Variants in NKTR observed in about 807,000 individuals in gnomAD.
NKTR encodes the protein NK-tumor recognition protein.
NKTR carries 67 observed loss-of-function variants against 156.3 expected under a neutral mutation model. The observed-to-expected ratio is 0.43, with a 90% CI of 0.35 to 0.53. The LOEUF (loss-of-function observed/expected upper bound fraction) is 0.53, where lower values mean the gene tolerates loss of function less well. Ranked by LOEUF, NKTR falls within the 20% of genes least tolerant of loss-of-function variation. NKTR has a pLI of 0.01. For missense variants in NKTR, 1,604 were observed against 1,730.9 expected (o/e 0.93, Z 1.30); for synonymous variants, 640 against 596.6 (o/e 1.07, Z -1.06).
Position 42,647,267 on chromosome 3 carries a change from A to AGTT in NKTR, c.*1294_*1295insTGT, listed in dbSNP as rs1553675106. On this transcript the variant is annotated 3_prime_UTR_variant, in exon 17 of 17. Coordinates refer to ENST00000232978, the MANE Select transcript of NKTR (RefSeq NM_005385.4). ...AAAAATAATTGGACCTGTAAAAACT[A>AGTT]GTGTGTGTGTGTGTGTGTGTGTGTG... 2 of 102,974 alleles carry AGTT rather than the reference A, an allele frequency of 1.9e-5. No homozygotes were observed. The highest frequency in any genetic ancestry group is 8.4e-5 in the African/African-American group (2 of 23,684). 6.4% of individuals were successfully genotyped at this position (102,974 alleles called of 1,614,324 possible).
chr3:42,639,858 G>C (rs780112007), intron 13 of NKTR, 108 bp downstream of exon 13: 13 of 831,764 alleles, frequency 1.6e-5, no homozygotes, highest in Non-Finnish European at 2.3e-5. Flanking sequence ...ATATCTGAAA[G>C]GAATAAGAAG....
chr3:42,643,972 C>T lies in NKTR; in HGVS notation c.4270C>T (p.His1424Tyr). Residue 1424 changes from histidine to tyrosine, a missense_variant, in exon 16 of 17, where the codon CAC becomes TAC. Physicochemically the swap from His to Tyr is moderately conservative, Grantham distance 83. Around this residue, in one of 6 missense-constraint regions of NKTR, gnomAD observed 193 missense variants for 220.2 expected, o/e 0.88. Coordinates refer to ENST00000232978, the MANE Select transcript of NKTR (RefSeq NM_005385.4). ...RSRSQRSDSY[H>Y]RGRSYNRRSR... The stretch of plus-strand genomic sequence containing the variant: ...TAGAAGCCAGAGAAGTGACAGTTAC[C>T]ACCGAGGCAGAAGTTATAATCGGCG... 6.2e-7 allele frequency: 1 copy of T among 1,613,964 alleles called. No individual in the cohort carries two copies.
At position 42,647,653 on chromosome 3, in the gene NKTR, C is replaced by A. The variant is rs1229918000; in HGVS notation, c.*1678C>A. ...AACAAACAATACTGGATACTGAATACAAAACAGTATGATTTATATTAAAGG... is the reference window on the plus strand; with the variant it reads ...AACAAACAATACTGGATACTGAATAAAAAACAGTATGATTTATATTAAAGG... On this transcript the variant is annotated 3_prime_UTR_variant, in exon 17 of 17. Coordinates refer to ENST00000232978, the MANE Select transcript of NKTR (RefSeq NM_005385.4). 3 of 152,050 alleles carry A rather than the reference C, an allele frequency of 2.0e-5. No homozygotes were observed. The highest frequency in any genetic ancestry group is 2.9e-5 in the Non-Finnish European group (2 of 68,018). 9.4% of individuals were successfully genotyped at this position (152,050 alleles called of 1,614,324 possible).
chr3:42,623,712 G>C (rs1373489798), intron 6 of NKTR: 1 of 152,070 alleles, frequency 6.6e-6, no homozygotes, highest in East Asian at 1.9e-4. Context: ...TAATAGCTCT[G>C]ATGGTCACAG....
chr3:42,637,041 A>C lies in NKTR; in HGVS notation c.1337A>C (p.Lys446Thr), dbSNP rs1298236888. ...VKHKKKGKKQ[K>T]HCRRHKQTKK... The stretch of plus-strand genomic sequence containing the variant: ...CATAAAAAGAAAGGGAAAAAGCAGA[A>C]ACACTGCAGAAGACACAAACAAACA... The change falls in exon 13 of 17, where the codon AAA (lysine) becomes ACA (threonine). Residue 446 changes from lysine to threonine, a missense_variant. Around this residue, in one of 6 missense-constraint regions of NKTR, gnomAD observed 1,255 missense variants for 1,243.7 expected, o/e 1.01. Transcript: ENST00000232978. 2 of 1,609,998 alleles carry C rather than the reference A, an allele frequency of 1.2e-6. No individual in the cohort carries two copies. Among genetic ancestry groups the C allele is most frequent in the Admixed American group, 3.4e-5 (2 of 58,820 alleles).
At chr3:42,627,242 C>T (rs1708472070) in intron 6 of NKTR, 1 of 985,214 alleles carries the variant, frequency 1.0e-6, no homozygotes, top group South Asian at 4.7e-5. Context: ...TGTCTCATTA[C>T]TCTAAGGCTC....
At chr3:42,632,879 A>G in intron 9 of NKTR, 56 bp downstream of exon 9, 2 of 1,430,662 alleles carry the variant, frequency 1.4e-6, no homozygotes, top group Non-Finnish European at 1.8e-6. Context: ...TGGAATGGGA[A>G]AAGTATGTAT....
intron 6 of NKTR, 64 bp downstream of exon 6, chr3:42,621,580 T>G: frequency 6.5e-7 from 1 of 1,542,330 alleles, no homozygotes; most frequent in Admixed American, 2.2e-5. Context: ...ATAAGAAAGA[T>G]GGTATAGTTA....
chr3:42,645,486 A>G (rs1428033704), intron 16 of NKTR, among the ~76,000 whole-genome samples: 2 of 152,112 alleles, frequency 1.3e-5, no homozygotes, highest in Non-Finnish European at 2.9e-5. Context: ...GGAGTTGAAG[A>G]CCAGCCTGGC....
intron 16 of NKTR, among the ~76,000 whole-genome samples, chr3:42,644,285 A>G (rs541043855): frequency 4.9e-4 from 74 of 152,318 alleles, no homozygotes; most frequent in African/African-American, 1.8e-3. Context: ...GGAAAGAAAG[A>G]AGGCCACCCA....
At chr3:42,619,872 G>A in intron 5 of NKTR, 164 bp downstream of exon 5, 1 of 1,408,248 alleles carries the variant, frequency 7.1e-7, no homozygotes, top group Non-Finnish European at 9.3e-7. Flanking sequence ...AAATTATATT[G>A]TAATATATAA....
In NKTR at chr3:42,637,659, T is replaced by C. The variant is rs1559585814; in HGVS notation, c.1955T>C (p.Leu652Ser). ...CTACCCATCCAAAGCACTTACAGTT[T>C]AGCAAATATTAAAGAGACTGGTAGC... is the stretch of plus-strand genomic sequence containing the variant. The part of the protein sequence containing the change: ...HLLPIQSTYS[L>S]ANIKETGSSS... The change falls in exon 13 of 17, where the codon TTA becomes TCA. Residue 652 changes from leucine to serine, a missense_variant. By Grantham distance (145) the Leu-to-Ser change is moderately radical (BLOSUM62 -2). Around this residue, in one of 6 missense-constraint regions of NKTR, gnomAD observed 1,255 missense variants for 1,243.7 expected, o/e 1.01. Transcript: ENST00000232978. 1.2e-6 allele frequency: 2 copies of C among 1,612,958 alleles called. No individual in the cohort carries two copies. Among genetic ancestry groups the C allele is most frequent in the Admixed American group, 1.7e-5 (1 of 59,726 alleles).
chr3:42,625,434 C>T lies in NKTR; in HGVS notation c.374+3918C>T, dbSNP rs537914612. ...AGTCATAAATAGGGCAATGGGGGGG[C>T]GGGGCATAAGTTTTAGAATATGTTT... On this transcript the variant is annotated intron_variant, in intron 6 of 16. Coordinates refer to ENST00000232978, the MANE Select transcript of NKTR (RefSeq NM_005385.4). 3.5e-5 allele frequency among the ~76,000 whole-genome samples: 5 copies of T among 144,680 alleles called. No homozygotes were observed. The East Asian group carries it at 1.0e-3, about 29-fold the overall frequency. The allele number at this position is 144,680 out of a possible 152,430, so 94.9% of individuals were successfully genotyped here.
intron 6 of NKTR, chr3:42,628,622 A>G (rs1175631392): frequency 1.0e-6 from 1 of 985,118 alleles, no homozygotes; most frequent in African/African-American, 1.7e-5. Context: ...AGGAGAAGGA[A>G]TGTATCTAAT....
intron 12 of NKTR, among the ~76,000 whole-genome samples, chr3:42,635,659 C>G (rs1252614463): frequency 6.6e-6 from 1 of 152,158 alleles, no homozygotes; most frequent in Non-Finnish European, 1.5e-5. Context: ...GTGGCTCACG[C>G]TTGTCATCCC....
chr3:42,601,186 C>G, intron 2 of NKTR, 122 bp downstream of exon 2: 1 of 732,302 alleles, frequency 1.4e-6, no homozygotes, highest in Non-Finnish European at 2.1e-6. Flanking sequence ...AGGCAACTTT[C>G]CGTTTTCTCT....
chr3:42,632,444 C>T, intron 8 of NKTR, 157 bp from the exon 9 acceptor site: 2 of 565,980 alleles, frequency 3.5e-6, no homozygotes, highest in South Asian at 2.4e-5. Context: ...ACAATCTTGC[C>T]AGTAATTTTA....
intron 2 of NKTR, among the ~76,000 whole-genome samples, chr3:42,610,035 C>A (rs1031751904): frequency 6.6e-6 from 1 of 151,880 alleles, no homozygotes. Flanking sequence ...CAGAGTTTCG[C>A]TCTTGTTGCC....
rs534839137 is a variant in NKTR at position 42,629,502 on chromosome 3, C to T, written c.375-1044C>T. 6.9e-5 allele frequency: 67 copies of T among 977,994 alleles called. No homozygotes were observed. The African/African-American group carries it at 1.1e-3, about 17-fold the overall frequency. The allele number at this position is 977,994 out of a possible 1,614,324, so 60.6% of individuals were successfully genotyped here. A position where few individuals can be genotyped will look rare whatever the true frequency, so the allele number is the denominator to read the frequency against. ...TTAAAAACTGGGTTTTGTTCACTTACATGTCTTAAAATTGCCTTAAAATGA... is the reference window on the plus strand; with the variant it reads ...TTAAAAACTGGGTTTTGTTCACTTATATGTCTTAAAATTGCCTTAAAATGA... On this transcript the variant is annotated intron_variant, in intron 6 of 16. Coordinates refer to ENST00000232978, the MANE Select transcript of NKTR (RefSeq NM_005385.4).
Sources: gnomAD v4.1 joint callset for allele counts (sites outside exome capture counted in the v4.1 genomes callset) on GRCh38, gnomAD v4.1.1 for gene constraint, gnomAD v4.1.1 regional missense constraint, MANE v1.5 for transcripts, NCBI Gene and HGNC (gene_info 2026-07-23, HGNC 2026-07-21) for gene names.